The following GFOD1 variants were observed in gnomAD, a reference collection of about 807,000 sequenced individuals.
GFOD1 encodes glucose-fructose oxidoreductase domain-containing protein 1.
In GFOD1, 9 loss-of-function variants were observed where a neutral mutation model predicts 25.4. That is an observed-to-expected ratio of 0.35 (90% CI 0.21 to 0.62). The LOEUF (loss-of-function observed/expected upper bound fraction) is 0.62, where lower values mean the gene tolerates loss of function less well. GFOD1 is among the 20% of genes least tolerant of loss of function. The pLI, the probability that GFOD1 is intolerant of heterozygous loss-of-function variation, is 0.72. For missense variants in GFOD1, 403 were observed against 556.9 expected (o/e 0.72, Z 2.78); for synonymous variants, 253 against 245.6 (o/e 1.03, Z -0.28).
chr6:13,388,727 C>G (rs1014693129), intron 1 of GFOD1, among the ~76,000 whole-genome samples: 35 of 152,246 alleles, frequency 2.3e-4, no homozygotes, highest in South Asian at 6.2e-4. Context: ...ACTAAAACAC[C>G]AAAAGCAACG....
intron 1 of GFOD1, among the ~76,000 whole-genome samples, chr6:13,435,794 T>C (rs1369069762): frequency 1.3e-5 from 2 of 152,218 alleles, no homozygotes; most frequent in African/African-American, 4.8e-5. Flanking sequence ...ACTAATAAAT[T>C]TGGAAAAGTT....
At chr6:13,393,515 C>T (rs1034952973) in intron 1 of GFOD1, among the ~76,000 whole-genome samples, 4 of 151,988 alleles carry the variant, frequency 2.6e-5, no homozygotes, top group Admixed American at 6.6e-5. Flanking sequence ...AACAGCGCAG[C>T]TCCTGTAGAG....
intron 1 of GFOD1, among the ~76,000 whole-genome samples, chr6:13,475,162 T>C (rs532040008): frequency 3.3e-5 from 5 of 151,792 alleles, no homozygotes; most frequent in Admixed American, 3.3e-4. Context: ...CAAAGAAAAA[T>C]GTGACTGTCT....
Position 13,486,658 on chromosome 6 carries a change from T to C in GFOD1, c.233A>G (p.Gln78Arg). 2 of 1,614,108 alleles carry C rather than the reference T, an allele frequency of 1.2e-6. No homozygotes were observed. The highest frequency in any genetic ancestry group is 1.7e-6 in the Non-Finnish European group (2 of 1,179,982). ...CTCACCTAGGGTTTTGACAGCGATC[T>C]GTCTGGTGAGGGGCGGCGGCAGGTT... is the stretch of plus-strand genomic sequence containing the variant. Reference protein sequence around the residue: ...CINLPPPLTRQIAVKTLGIGK... With the variant: ...CINLPPPLTRRIAVKTLGIGK... The change falls in exon 1 of 2, where the codon CAG becomes CGG. Residue 78 changes from glutamine to arginine, a missense_variant. Physicochemically the swap from Gln to Arg is conservative, Grantham distance 43. Coordinates refer to ENST00000379287, the MANE Select transcript of GFOD1 (RefSeq NM_018988.4).
intron 1 of GFOD1, among the ~76,000 whole-genome samples, chr6:13,425,072 C>T (rs1031622098): frequency 6.6e-6 from 1 of 151,534 alleles, no homozygotes; most frequent in Non-Finnish European, 1.5e-5. Flanking sequence ...TATTCTCCCA[C>T]CTCAGCTTCC....
chr6:13,469,382 C>G (rs1758436954), intron 1 of GFOD1: 2 of 985,242 alleles, frequency 2.0e-6, no homozygotes, highest in Non-Finnish European at 2.4e-6. Context: ...TTTTTAACAT[C>G]CTGTGGGATA....
At chr6:13,444,443 C>G (rs1757969588) in intron 1 of GFOD1, among the ~76,000 whole-genome samples, 1 of 150,182 alleles carries the variant, frequency 6.7e-6, no homozygotes, top group South Asian at 2.1e-4. Flanking sequence ...ACAAAATAAT[C>G]TGTATGACAA....
chr6:13,459,127 G>A (rs12190907), intron 1 of GFOD1, among the ~76,000 whole-genome samples: 1 of 152,138 alleles, frequency 6.6e-6, no homozygotes, highest in Non-Finnish European at 1.5e-5. Context: ...GCTATCAAAA[G>A]AGCTTGCAGT....
intron 1 of GFOD1, among the ~76,000 whole-genome samples, chr6:13,367,070 A>T (rs1377271528): frequency 6.6e-6 from 1 of 151,706 alleles, no homozygotes; most frequent in Non-Finnish European, 1.5e-5. Context: ...TACAGTTATC[A>T]TATATATAAA....
chr6:13,410,025 T>TTC (rs1786046108), intron 1 of GFOD1, among the ~76,000 whole-genome samples: 1 of 149,944 alleles, frequency 6.7e-6, no homozygotes, highest in South Asian at 2.1e-4. Context: ...TTTTTTTTTT[T>TTC]AGATTGGCAG....
chr6:13,418,339 C>A (rs777456453), intron 1 of GFOD1, among the ~76,000 whole-genome samples: 1 of 152,176 alleles, frequency 6.6e-6, no homozygotes, highest in African/African-American at 2.4e-5. Context: ...AATTACCCTC[C>A]GGAGCTGCAA....
chr6:13,428,165 T>C (rs16874153), intron 1 of GFOD1, among the ~76,000 whole-genome samples: 14,848 of 152,174 alleles, frequency 0.098, 1,241 homozygotes, highest in African/African-American at 0.23. Flanking sequence ...TGTGTGAATT[T>C]TGAACTCCTT....
intron 1 of GFOD1, among the ~76,000 whole-genome samples, chr6:13,409,298 AAGAAAGGAAGGAAGGAAGAAAGG>A (rs1217304290): frequency 8.6e-5 from 3 of 34,916 alleles, no homozygotes; most frequent in African/African-American, 1.2e-4. Context: ...GGAAGGAAGG[AAGAAAGGAAGGAAGGAAGAAAGG>A]AAGGAAGGAG....
chr6:13,429,376 C>A (rs569122919), intron 1 of GFOD1, among the ~76,000 whole-genome samples: 1 of 152,352 alleles, frequency 6.6e-6, no homozygotes, highest in South Asian at 2.1e-4. Context: ...GATGCTCTGC[C>A]AGCTTGCTGC....
intron 1 of GFOD1, among the ~76,000 whole-genome samples, chr6:13,370,344 C>T (rs969888490): frequency 6.6e-6 from 1 of 152,234 alleles, no homozygotes; most frequent in African/African-American, 2.4e-5. Flanking sequence ...ATGCACGGAT[C>T]CCCTCCGGTT....
chr6:13,396,187 G>C (rs1363038904), intron 1 of GFOD1, among the ~76,000 whole-genome samples: 1 of 152,286 alleles, frequency 6.6e-6, no homozygotes, highest in East Asian at 1.9e-4. Context: ...GCCATCATTT[G>C]TTGAGCACCT....
intron 1 of GFOD1, among the ~76,000 whole-genome samples, chr6:13,448,754 T>C (rs745662799): frequency 7.2e-5 from 11 of 152,182 alleles, no homozygotes; most frequent in Non-Finnish European, 1.0e-4. Context: ...ATTTATAAAC[T>C]TTTCCAAAAC....
chr6:13,415,475 A>G (rs922971490), intron 1 of GFOD1, among the ~76,000 whole-genome samples: 2 of 151,798 alleles, frequency 1.3e-5, no homozygotes, highest in African/African-American at 4.8e-5. Context: ...ACACAACACA[A>G]CTCTGAAGAA....
intron 1 of GFOD1, among the ~76,000 whole-genome samples, chr6:13,449,790 A>G (rs1002066061): frequency 1.4e-4 from 21 of 152,334 alleles, no homozygotes; most frequent in African/African-American, 5.1e-4. Flanking sequence ...CCCCAGCCAC[A>G]TGGAACTGTG....
Sources: gnomAD v4.1 joint callset for allele counts (sites outside exome capture counted in the v4.1 genomes callset) on GRCh38, gnomAD v4.1.1 for gene constraint, MANE v1.5 for transcripts, NCBI Gene and HGNC (gene_info 2026-07-23, HGNC 2026-07-21) for gene names.